The following MYOCD variants were observed in gnomAD, a reference collection of about 807,000 sequenced individuals.
The protein encoded by MYOCD is myocardin.
Under a neutral mutation model 96.1 loss-of-function variants are expected in MYOCD, and 32 were observed. The ratio of observed to expected loss-of-function variants is 0.33; its 90% CI spans 0.25 to 0.45. The LOEUF is 0.45. MYOCD is among the 20% of genes least tolerant of loss of function. The pLI, the probability that MYOCD is intolerant of heterozygous loss-of-function variation, is 1.00. For missense variants in MYOCD, 1,133 were observed against 1,200.6 expected (o/e 0.94, Z 0.83); for synonymous variants, 469 against 469.0 (o/e 1.00, Z 0.00).
At chr17:12,687,702 C>T (rs1463960446) in intron 1 of MYOCD, among the ~76,000 whole-genome samples, 9 of 152,094 alleles carry the variant, frequency 5.9e-5, no homozygotes, top group South Asian at 2.1e-4. Flanking sequence ...TTAGAAAATA[C>T]GACCATTCTT....
chr17:12,698,900 G>A (rs1034212340), intron 1 of MYOCD, among the ~76,000 whole-genome samples: 5 of 151,114 alleles, frequency 3.3e-5, no homozygotes, highest in Admixed American at 1.3e-4. Flanking sequence ...CCGCCACCAC[G>A]CCCGGCTAAT....
chr17:12,721,268 T>C (rs1309109874), intron 4 of MYOCD, among the ~76,000 whole-genome samples: 6 of 151,840 alleles, frequency 4.0e-5, no homozygotes, highest in Non-Finnish European at 7.4e-5. Context: ...TCCCATGGGG[T>C]CCTCTTTTGT....
intron 10 of MYOCD, 81 bp from the exon 11 acceptor site, chr17:12,756,333 G>A: frequency 6.8e-7 from 1 of 1,471,046 alleles, no homozygotes; most frequent in Non-Finnish European, 9.3e-7. Context: ...GGGACACAGG[G>A]CAGGAACCAG....
At chr17:12,717,288 A>T in intron 3 of MYOCD, 58 bp from the exon 4 acceptor site, 1 of 1,238,782 alleles carries the variant, frequency 8.1e-7, no homozygotes, top group Non-Finnish European at 1.2e-6. Flanking sequence ...CTCCTGTGAG[A>T]TAAATTGAGT....
intron 13 of MYOCD, chr17:12,762,803 G>T: frequency 2.5e-6 from 1 of 400,544 alleles, no homozygotes. Flanking sequence ...GTGTCCTCAA[G>T]GGACTACCAG....
At position 12,767,546 on chromosome 17, in the gene MYOCD, T is replaced by C. The variant is rs149351906; in HGVS notation, c.*3902T>C. ...AGATTTGAATGACCAGGGAGTTGTA[T>C]TTGCACATGCAAGAACACTAAGAAT... On this transcript the variant is annotated 3_prime_UTR_variant, in exon 14 of 14. Transcript: ENST00000425538. The C allele has an allele frequency of 3.3e-5, 5 of 152,242 alleles. No individual in the cohort carries two copies. The East Asian group carries it at 9.7e-4, about 29-fold the overall frequency. 9.4% of individuals were successfully genotyped at this position (152,242 alleles called of 1,614,324 possible).
At chr17:12,668,120 G>A (rs1049306233) in intron 1 of MYOCD, among the ~76,000 whole-genome samples, 2 of 152,218 alleles carry the variant, frequency 1.3e-5, no homozygotes, top group Non-Finnish European at 2.9e-5. Flanking sequence ...CCAGCACTGA[G>A]GTCGCAGCAT....
intron 1 of MYOCD, among the ~76,000 whole-genome samples, chr17:12,694,898 A>AG: frequency 6.7e-6 from 1 of 149,692 alleles, no homozygotes; most frequent in Non-Finnish European, 1.5e-5. Context: ...AAAAAAAAAA[A>AG]AAAAAGGAAA....
At chr17:12,747,702 G>A (rs79319457) in intron 9 of MYOCD, among the ~76,000 whole-genome samples, 24 of 152,224 alleles carry the variant, frequency 1.6e-4, no homozygotes, top group African/African-American at 3.9e-4. Flanking sequence ...AGGTGACCCC[G>A]CTAATAGTAA....
intron 1 of MYOCD, among the ~76,000 whole-genome samples, chr17:12,687,821 C>A (rs755487176): frequency 6.6e-6 from 1 of 151,874 alleles, no homozygotes; most frequent in Non-Finnish European, 1.5e-5. Context: ...ACCAAATAGT[C>A]GAGTGGAGAG....
chr17:12,710,593 A>T (rs901024290), intron 2 of MYOCD: 1 of 710,904 alleles, frequency 1.4e-6, no homozygotes, highest in African/African-American at 1.9e-5. Context: ...GACCGGGGCA[A>T]TTCCCGCACC....
intron 5 of MYOCD, among the ~76,000 whole-genome samples, chr17:12,733,498 C>T (rs565494219): frequency 5.9e-5 from 9 of 152,232 alleles, no homozygotes; most frequent in South Asian, 4.1e-4. Context: ...GAGATTCCAA[C>T]GGCTGATACT....
intron 13 of MYOCD, chr17:12,761,590 T>TAC (rs5819386): frequency 0.16 from 22,241 of 140,986 alleles, 1,795 homozygotes; most frequent in African/African-American, 0.21. Flanking sequence ...CAGATGCCCA[T>TAC]ACACACACAC....
intron 4 of MYOCD, among the ~76,000 whole-genome samples, chr17:12,721,370 A>C (rs935981088): frequency 2.6e-5 from 4 of 152,190 alleles, no homozygotes; most frequent in Non-Finnish European, 4.4e-5. Flanking sequence ...GCCCAGTTTC[A>C]GAGGCAACAA....
Position 12,739,225 on chromosome 17 carries a change from A to G in MYOCD, c.614A>G (p.Asn205Ser), listed in dbSNP as rs2032434294. Residue 205 changes from asparagine (N) to serine (S), a missense_variant, in exon 7 of 14, where the codon AAT (asparagine) becomes AGT (serine). Asn to Ser is a conservative substitution (Grantham distance 46). Coordinates refer to ENST00000425538, the MANE Select transcript of MYOCD (RefSeq NM_001146312.3). ...CAGGATCTTGCTTCTGGCTCAGAAA[A>G]TGACAGAAATGACTCAGCCTCACAG... ...TNQDLASGSENDRNDSASQPS... is the reference protein window; with the variant it reads ...TNQDLASGSESDRNDSASQPS... The G allele has an allele frequency of 1.9e-6, 3 of 1,609,116 alleles. No homozygotes were observed. The highest frequency in any genetic ancestry group is 2.5e-6 in the Non-Finnish European group (3 of 1,178,300).
At chr17:12,666,615 A>G (rs1048279438) in intron 1 of MYOCD, among the ~76,000 whole-genome samples, 3 of 152,246 alleles carry the variant, frequency 2.0e-5, no homozygotes, top group African/African-American at 7.2e-5. Context: ...TGAGAAGATG[A>G]ACCTGATGTT....
intron 5 of MYOCD, among the ~76,000 whole-genome samples, chr17:12,729,700 T>G (rs2032109425): frequency 6.6e-6 from 1 of 152,216 alleles, no homozygotes; most frequent in African/African-American, 2.4e-5. Flanking sequence ...GCCTTCCAAG[T>G]AGCTGGGATT....
Position 12,722,944 on chromosome 17 carries a change from G to C in MYOCD, c.351G>C (p.Gly117=). The change falls in exon 5 of 14, where the codon GGG becomes GGC. Residue 117 remains glycine, a synonymous_variant. Transcript: ENST00000425538. The part of the protein sequence containing the change: ...DLNEKIALRP[G]PLELVEKNIL... The stretch of plus-strand genomic sequence containing the variant: ...ATGAAAAAATTGCTCTACGACCAGG[G>C]CCACTGGAGCTGGTGGAAAAAAACA... 1 of 1,614,040 alleles carries C rather than the reference G, an allele frequency of 6.2e-7. No individual in the cohort carries two copies. The highest frequency in any genetic ancestry group is 8.5e-7 in the Non-Finnish European group (1 of 1,179,950).
intron 1 of MYOCD, among the ~76,000 whole-genome samples, chr17:12,668,691 G>A (rs1358449242): frequency 2.0e-5 from 3 of 151,680 alleles, no homozygotes; most frequent in Non-Finnish European, 4.4e-5. Flanking sequence ...TTTTCATAGT[G>A]GTCTCTGCTT....
Sources: allele counts gnomAD v4.1 joint callset (sites outside exome capture counted in the v4.1 genomes callset), GRCh38; gene constraint gnomAD v4.1.1; transcripts MANE v1.5; gene names NCBI Gene and HGNC (gene_info 2026-07-23, HGNC 2026-07-21).